Variants in ENTPD1 observed in about 807,000 individuals in gnomAD.
ENTPD1 encodes ectonucleoside triphosphate diphosphohydrolase 1.
In ENTPD1, 33 loss-of-function variants were observed where a neutral mutation model predicts 57.0. That is an observed-to-expected ratio of 0.58 (90% CI 0.44 to 0.77). The LOEUF (loss-of-function observed/expected upper bound fraction) is 0.77. Ranked by LOEUF, ENTPD1 falls within the 30% of genes least tolerant of loss-of-function variation. The probability of loss-of-function intolerance (pLI) is 0.00; values close to 1 mark genes in which losing one functional copy is unlikely to be tolerated. For synonymous variants in ENTPD1, 202 were observed against 218.8 expected (o/e 0.92, Z 0.68); for missense variants, 501 against 603.4 (o/e 0.83, Z 1.78).
chr10:95,741,497 A>G (rs1274738443), intron 1 of ENTPD1, among the ~76,000 whole-genome samples: 2 of 152,230 alleles, frequency 1.3e-5, no homozygotes, highest in African/African-American at 4.8e-5. Flanking sequence ...TGATACAGAG[A>G]CATGAAGTGA....
At chr10:95,709,008 A>G (rs2097963609), upstream of ENTPD1, among the ~76,000 whole-genome samples, 1 of 152,200 alleles carries the variant, frequency 6.6e-6, no homozygotes, top group Non-Finnish European at 1.5e-5. Flanking sequence ...CTGTAGAATC[A>G]TTGTCATCAG....
Position 95,866,399 on chromosome 10 carries a change from T to G in ENTPD1, c.*16T>G. ...TATGGTATAGCAAAAGCAGCTGAAA[T>G]ATGCTGGCTGGAGTGAGGAAAAAAA... On this transcript the variant is annotated 3_prime_UTR_variant, in exon 10 of 10. Transcript: ENST00000371205. The G allele has an allele frequency of 2.5e-6, 4 of 1,613,988 alleles. No homozygotes were observed. Among genetic ancestry groups the G allele is most frequent in the Non-Finnish European group, 2.5e-6 (3 of 1,179,974 alleles).
intron 1 of ENTPD1, among the ~76,000 whole-genome samples, chr10:95,715,135 A>AT (rs1268918202): frequency 6.6e-6 from 1 of 152,148 alleles, no homozygotes; most frequent in Non-Finnish European, 1.5e-5. Flanking sequence ...AACAATATTT[A>AT]TTTTTTGTGA....
chr10:95,723,634 C>T lies in ENTPD1; in HGVS notation c.37+11641C>T, dbSNP rs531659703. 6.6e-5 allele frequency among the ~76,000 whole-genome samples: 10 copies of T among 152,202 alleles called. No individual in the cohort carries two copies. In the East Asian group the frequency reaches 1.4e-3, roughly 21 times the overall value. On this transcript the variant is annotated intron_variant, in intron 1 of 9. Transcript: ENST00000453258. The stretch of plus-strand genomic sequence containing the variant: ...TTTGGGGCTACACTTTCAAGAAAGT[C>T]GTGGTTGGGACCCAGGAGGTATGGG...
intron 1 of ENTPD1, among the ~76,000 whole-genome samples, chr10:95,771,977 G>A (rs1345350499): frequency 6.6e-6 from 1 of 152,308 alleles, no homozygotes; most frequent in South Asian, 2.1e-4. Context: ...GTGATTAAAA[G>A]AGTAGTATGA....
chr10:95,876,408 G>T lies in ENTPD1; in HGVS notation c.*10025G>T. Reference sequence around the variant, plus strand: ...GTTTTTCTTGATGGTAAATCATAATGTTCCCTTTCTCCTCGGTTCTGCAAT... The same window carrying T: ...GTTTTTCTTGATGGTAAATCATAATTTTCCCTTTCTCCTCGGTTCTGCAAT... On this transcript the variant is annotated 3_prime_UTR_variant, in exon 10 of 10. Coordinates refer to ENST00000371205, the MANE Select transcript of ENTPD1 (RefSeq NM_001776.6). 8.1e-7 allele frequency: 1 copy of T among 1,231,302 alleles called. No individual in the cohort carries two copies. Among genetic ancestry groups the T allele is most frequent in the Non-Finnish European group, 1.0e-6 (1 of 987,698 alleles). 76.3% of individuals were successfully genotyped at this position (1,231,302 alleles called of 1,614,324 possible).
At chr10:95,837,407 G>C (rs796212955) in intron 2 of ENTPD1, among the ~76,000 whole-genome samples, 19 of 152,320 alleles carry the variant, frequency 1.2e-4, no homozygotes, top group African/African-American at 4.6e-4. Flanking sequence ...AGTGGCCCCA[G>C]ACCTTAGTCA....
At chr10:95,862,906 A>G (rs983458346) in intron 8 of ENTPD1, among the ~76,000 whole-genome samples, 1 of 152,158 alleles carries the variant, frequency 6.6e-6, no homozygotes, top group Non-Finnish European at 1.5e-5. Context: ...CTTTATGTGG[A>G]GGGCAGAAAG....
At chr10:95,817,454 C>A (rs760286886) in intron 1 of ENTPD1, among the ~76,000 whole-genome samples, 1 of 152,184 alleles carries the variant, frequency 6.6e-6, no homozygotes, top group Non-Finnish European at 1.5e-5. Context: ...CCCAATGGTT[C>A]CTTGTTCACC....
intron 3 of ENTPD1, among the ~76,000 whole-genome samples, chr10:95,841,382 G>A (rs1479343046): frequency 1.4e-5 from 2 of 141,616 alleles, no homozygotes; most frequent in East Asian, 2.1e-4. Flanking sequence ...GCAAGACTCC[G>A]TCTCAAAAAA....
chr10:95,724,520 T>G (rs2097981567), intron 1 of ENTPD1, among the ~76,000 whole-genome samples: 1 of 152,142 alleles, frequency 6.6e-6, no homozygotes, highest in Admixed American at 6.5e-5. Flanking sequence ...TATAGCTCTA[T>G]TAGAAGCCGT....
chr10:95,759,481 T>C (rs539945180), intron 1 of ENTPD1, among the ~76,000 whole-genome samples: 2 of 152,342 alleles, frequency 1.3e-5, no homozygotes, highest in Admixed American at 1.3e-4. Context: ...TTTCTAGCCC[T>C]ACTTTATAGC....
intron 1 of ENTPD1, among the ~76,000 whole-genome samples, chr10:95,775,557 C>T (rs1007911585): frequency 3.3e-5 from 5 of 152,156 alleles, no homozygotes; most frequent in African/African-American, 1.2e-4. Context: ...TGAATTTTGT[C>T]AAAGACCTTT....
chr10:95,709,572 C>T (rs965816566), upstream of ENTPD1, among the ~76,000 whole-genome samples: 136 of 150,724 alleles, frequency 9.0e-4, 1 homozygote, highest in African/African-American at 3.1e-3. Context: ...TTAGTAGAGA[C>T]GAAGTTTCAC....
intron 1 of ENTPD1, among the ~76,000 whole-genome samples, chr10:95,801,304 T>C (rs1011269650): frequency 6.6e-6 from 1 of 152,186 alleles, no homozygotes; most frequent in Admixed American, 6.5e-5. Context: ...ATTGTCTAGG[T>C]TGTCTTCCAG....
intron 1 of ENTPD1, among the ~76,000 whole-genome samples, chr10:95,786,211 A>T (rs1294753231): frequency 2.0e-5 from 3 of 152,128 alleles, no homozygotes; most frequent in Admixed American, 1.3e-4. Flanking sequence ...ATAATGACTC[A>T]AAACTTCTGT....
Position 95,868,125 on chromosome 10 carries a change from T to C in ENTPD1, c.*1742T>C, listed in dbSNP as rs2098476433. 2.0e-6 allele frequency: 2 copies of C among 983,628 alleles called. No individual in the cohort carries two copies. Among genetic ancestry groups the C allele is most frequent in the South Asian group, 4.7e-5 (1 of 21,250 alleles). 60.9% of individuals were successfully genotyped at this position (983,628 alleles called of 1,614,324 possible). On this transcript the variant is annotated 3_prime_UTR_variant, in exon 10 of 10. Coordinates refer to ENST00000371205, the MANE Select transcript of ENTPD1 (RefSeq NM_001776.6). Reference sequence around the variant, plus strand: ...AATCCTCACAACAATCTGAAGAAGGTAGGTATTACAATTCCCACTTCATAG... The same window carrying C: ...AATCCTCACAACAATCTGAAGAAGGCAGGTATTACAATTCCCACTTCATAG...
At chr10:95,754,362 C>A (rs1375018220), upstream of ENTPD1, 1 of 149,700 alleles carries the variant, frequency 6.7e-6, no homozygotes, top group East Asian at 2.0e-4. Context: ...AAGTAGAGAA[C>A]CGTTGCCACA....
intron 1 of ENTPD1, among the ~76,000 whole-genome samples, chr10:95,777,953 T>C (rs1384876918): frequency 2.0e-5 from 3 of 152,176 alleles, no homozygotes; most frequent in Non-Finnish European, 2.9e-5. Flanking sequence ...CGCTGAACCA[T>C]GTGTGGGATA....
Sources: gnomAD v4.1 joint callset for allele counts (sites outside exome capture counted in the v4.1 genomes callset) on GRCh38, gnomAD v4.1.1 for gene constraint, MANE v1.5 for transcripts, NCBI Gene and HGNC (gene_info 2026-07-23, HGNC 2026-07-21) for gene names.